Variants in SSH2 observed in about 807,000 individuals in gnomAD.
The protein encoded by SSH2 is slingshot protein phosphatase 2, also known as protein phosphatase Slingshot homolog 2.
Under a neutral mutation model 135.2 loss-of-function variants are expected in SSH2, and 37 were observed. The ratio of observed to expected loss-of-function variants is 0.27; its 90% CI spans 0.21 to 0.36. SSH2 has a LOEUF of 0.36. Ranked by LOEUF, SSH2 falls within the 10% of genes least tolerant of loss-of-function variation. The probability of loss-of-function intolerance (pLI) is 1.00; values close to 1 mark genes in which losing one functional copy is unlikely to be tolerated. For synonymous variants in SSH2, 628 were observed against 646.2 expected (o/e 0.97, Z 0.43); for missense variants, 1,408 against 1,765.3 (o/e 0.80, Z 3.63).
chr17:29,921,582 C>CT (rs965368328), intron 1 of SSH2, among the ~76,000 whole-genome samples: 76 of 147,074 alleles, frequency 5.2e-4, no homozygotes, highest in Middle Eastern at 3.5e-3. Flanking sequence ...GTGTCAAATA[C>CT]TTTTTTTTTT....
intron 4 of SSH2, among the ~76,000 whole-genome samples, chr17:29,702,352 CAAA>C (rs71138842): frequency 7.1e-6 from 1 of 141,136 alleles, no homozygotes; most frequent in Non-Finnish European, 1.5e-5. Context: ...GAGTCTGTCT[CAAA>C]AAAAAAAAAA....
intron 2 of SSH2, among the ~76,000 whole-genome samples, chr17:29,806,066 G>A (rs1243696751): frequency 2.0e-5 from 3 of 152,110 alleles, no homozygotes. Context: ...CCTCCATTAA[G>A]TTATTAGTCA....
chr17:29,798,062 A>C (rs2042188431), intron 2 of SSH2, among the ~76,000 whole-genome samples: 1 of 152,104 alleles, frequency 6.6e-6, no homozygotes, highest in African/African-American at 2.4e-5. Context: ...CTCATCAACA[A>C]TGCGTGAGAG....
At position 29,696,582 on chromosome 17, in the gene SSH2, C is replaced by T. The variant is rs191736811; in HGVS notation, c.293-1059G>A. Among the ~76,000 whole-genome samples the T allele has an allele frequency of 6.5e-3, 942 of 145,252 alleles. 6 individuals are homozygous for T. The highest frequency in any genetic ancestry group is 0.023 in the African/African-American group (906 of 39,790). ...CTACTGCACTCCAGCCTGGGCGACA[C>T]AGCGAGACTCTGTCTCAAAAACATA... On this transcript the variant is annotated intron_variant, in intron 4 of 15. Transcript: ENST00000540801.
intron 1 of SSH2, among the ~76,000 whole-genome samples, chr17:29,866,305 T>G (rs776128568): frequency 6.6e-6 from 1 of 151,558 alleles, no homozygotes; most frequent in African/African-American, 2.4e-5. Flanking sequence ...TAGCAACTGA[T>G]AGCAAAACTA....
intron 2 of SSH2, among the ~76,000 whole-genome samples, chr17:29,804,914 G>A (rs959781262): frequency 7.3e-6 from 1 of 136,388 alleles, no homozygotes; most frequent in Non-Finnish European, 1.5e-5. Flanking sequence ...GGCTGGTCTC[G>A]AACTCTTGGC....
Position 29,650,671 on chromosome 17 carries a change from T to C in SSH2, c.1209A>G (p.Lys403=), listed in dbSNP as rs766327888. The change falls in exon 13 of 16, where the codon AAA becomes AAG. Residue 403 remains lysine, a synonymous_variant. Transcript: ENST00000540801. The part of the protein sequence containing the change: ...DLLAYWNDTY[K]FISKAKKHGS... ...TTACTCACTTTGCTTTAGAGATGAATTTGTAAGTGTCATTCCAGTACGCCA... is the reference window on the plus strand; with the variant it reads ...TTACTCACTTTGCTTTAGAGATGAACTTGTAAGTGTCATTCCAGTACGCCA... 3.7e-6 allele frequency: 6 copies of C among 1,613,674 alleles called. No individual in the cohort carries two copies. In the South Asian group the frequency reaches 6.6e-5, roughly 18 times the overall value.
chr17:29,712,180 C>T (rs1311503254), intron 3 of SSH2, among the ~76,000 whole-genome samples: 1 of 152,138 alleles, frequency 6.6e-6, no homozygotes, highest in Non-Finnish European at 1.5e-5. Flanking sequence ...ATTAGCCTTT[C>T]CAAAGAAGGC....
intron 1 of SSH2, chr17:29,856,016 C>A: frequency 2.5e-6 from 1 of 393,842 alleles, no homozygotes; most frequent in Non-Finnish European, 5.0e-6. Flanking sequence ...CACTGGGCTT[C>A]CATTACAAGA....
At chr17:29,886,468 C>T (rs1567631446) in intron 1 of SSH2, among the ~76,000 whole-genome samples, 4 of 151,898 alleles carry the variant, frequency 2.6e-5, no homozygotes, top group African/African-American at 9.7e-5. Context: ...GGAAAATGGC[C>T]GGGTGTCGTG....
At chr17:29,724,078 T>C (rs1379571045) in intron 3 of SSH2, among the ~76,000 whole-genome samples, 1 of 152,166 alleles carries the variant, frequency 6.6e-6, no homozygotes, top group Non-Finnish European at 1.5e-5. Flanking sequence ...ACCCACATTT[T>C]CCTGTTGGTG....
At chr17:29,652,056 T>G (rs1344473276) in intron 12 of SSH2, among the ~76,000 whole-genome samples, 1 of 152,064 alleles carries the variant, frequency 6.6e-6, no homozygotes. Context: ...GCAGAAGAAT[T>G]GCTTGAACCC....
chr17:29,674,522 C>T (rs2037625225), intron 8 of SSH2, among the ~76,000 whole-genome samples: 1 of 152,182 alleles, frequency 6.6e-6, no homozygotes, highest in Non-Finnish European at 1.5e-5. Flanking sequence ...GAGTGGGAGG[C>T]TGCAGTAACT....
At chr17:29,823,182 A>G (rs965423679) in intron 2 of SSH2, among the ~76,000 whole-genome samples, 1 of 152,220 alleles carries the variant, frequency 6.6e-6, no homozygotes, top group African/African-American at 2.4e-5. Flanking sequence ...TGCTTTAATC[A>G]GAGATGTCTT....
intron 2 of SSH2, among the ~76,000 whole-genome samples, chr17:29,815,813 TC>T (rs1410810693): frequency 1.3e-5 from 2 of 152,260 alleles, no homozygotes; most frequent in South Asian, 2.1e-4. Context: ...CTATTCAATG[TC>T]CTTTTTCTCT....
At position 29,650,726 on chromosome 17, in the gene SSH2, C is replaced by T. The variant is rs2036550842; in HGVS notation, c.1154G>A (p.Arg385Gln). 1 of 1,613,444 alleles carries T rather than the reference C, an allele frequency of 6.2e-7. No homozygotes were observed. The highest frequency in any genetic ancestry group is 8.5e-7 in the Non-Finnish European group (1 of 1,179,520). Residue 385 changes from arginine to glutamine, a missense_variant, in exon 13 of 16, where the codon CGG (arginine) becomes CAG (glutamine). Arg to Gln is a conservative substitution (Grantham distance 43, BLOSUM62 1). Around this residue, in one of 3 missense-constraint regions of SSH2, gnomAD observed 106 missense variants for 265.2 expected, o/e 0.40. Transcript: ENST00000540801. Reference protein sequence around the residue: ...FPGVFEYHNIRVYDEEATDLL... With the variant: ...FPGVFEYHNIQVYDEEATDLL... ...ATCCGTTGCCTCTTCATCATATACCCGAATGTTATGATACTCAAAGACTCC... is the reference window on the plus strand; with the variant it reads ...ATCCGTTGCCTCTTCATCATATACCTGAATGTTATGATACTCAAAGACTCC...
intron 2 of SSH2, among the ~76,000 whole-genome samples, chr17:29,822,347 G>A (rs1227874196): frequency 4.6e-5 from 7 of 151,872 alleles, no homozygotes; most frequent in East Asian, 1.9e-4. Flanking sequence ...AAAAAACTTC[G>A]TATGAGCCAG....
chr17:29,838,815 T>C (rs1237970856), intron 2 of SSH2: 1 of 165,482 alleles, frequency 6.0e-6, no homozygotes. Flanking sequence ...CACCCTCCAC[T>C]TGTCTGCATA....
chr17:29,789,313 C>T (rs1378815822), intron 3 of SSH2, among the ~76,000 whole-genome samples: 1 of 152,152 alleles, frequency 6.6e-6, no homozygotes, highest in East Asian at 1.9e-4. Context: ...AAGGGAACAC[C>T]AACAGTGTGG....
Sources: allele counts gnomAD v4.1 joint callset (sites outside exome capture counted in the v4.1 genomes callset), GRCh38; gene constraint gnomAD v4.1.1; regional missense constraint gnomAD v4.1.1; transcripts MANE v1.5; gene names NCBI Gene and HGNC (gene_info 2026-07-23, HGNC 2026-07-21).